Variants in HOXB6 observed in about 807,000 individuals in gnomAD.
HOXB6 encodes homeobox B6.
In HOXB6, 18 loss-of-function variants were observed where a neutral mutation model predicts 24.2. The ratio of observed to expected loss-of-function variants is 0.74; its 90% CI spans 0.51 to 1.10. The LOEUF is 1.10. HOXB6 is among the 50% of genes least tolerant of loss of function. The pLI is 0.00. For synonymous variants in HOXB6, 159 were observed against 139.1 expected (o/e 1.14, Z -1.01); for missense variants, 332 against 308.3 (o/e 1.08, Z -0.58).
chr17:48,598,981 T>C (rs1248402810), intron 2 of HOXB6, among the ~76,000 whole-genome samples: 2 of 152,118 alleles, frequency 1.3e-5, no homozygotes, highest in Admixed American at 1.3e-4. Context: ...CTTCTGACTC[T>C]GTGGCTAGAC....
chr17:48,599,890 G>A (rs2070416482), intron 2 of HOXB6, among the ~76,000 whole-genome samples: 1 of 152,178 alleles, frequency 6.6e-6, no homozygotes. Context: ...CACTGAAGAT[G>A]GTACAAGACA....
chr17:48,603,928 C>T (rs530345447), intron 2 of HOXB6: 60 of 152,838 alleles, frequency 3.9e-4, no homozygotes, highest in African/African-American at 1.4e-3. Flanking sequence ...TTTCTCTAGC[C>T]GTTTCCTCTC....
Position 48,596,245 on chromosome 17 carries a change from G to GA in HOXB6, c.*167dup, listed in dbSNP as rs1287576819. ...AGTGAGGCCTCAGAGCACCCGCCGG[G>GA]AGCTGTGCGGGCGGGGGCGTCCAGG... On this transcript the variant is annotated 3_prime_UTR_variant, in exon 4 of 4. Transcript: ENST00000225648. The surrounding 1 kb of genome is among the most constrained non-coding windows in gnomAD (Gnocchi z 4.8). The GA allele has an allele frequency of 9.7e-7, 1 of 1,035,366 alleles. No homozygotes were observed. The highest frequency in any genetic ancestry group is 1.5e-6 in the Non-Finnish European group (1 of 669,316). 64.1% of individuals were successfully genotyped at this position (1,035,366 alleles called of 1,614,324 possible). A position where few individuals can be genotyped will look rare whatever the true frequency, so the allele number is the denominator to read the frequency against.
chr17:48,597,752 C>A lies in HOXB6; in HGVS notation c.399G>T (p.Arg133=). The A allele has an allele frequency of 1.2e-6, 2 of 1,613,014 alleles. No homozygotes were observed. The highest frequency in any genetic ancestry group is 1.7e-6 in the Non-Finnish European group (2 of 1,179,560). ...CSTPVYPWMQ[R]MNSCNSSSFG... is the part of the protein sequence containing the mutation. ...CTCACTCACTGTTGCACGAATTCAT[C>A]CGCTGCATCCACGGGTAGACCGGAG... Residue 133 remains arginine (R), a synonymous_variant, in exon 3 of 4, where the codon CGG becomes CGT. Coordinates refer to ENST00000225648, the MANE Select transcript of HOXB6 (RefSeq NM_018952.5).
chr17:48,602,099 G>T, intron 2 of HOXB6: 1 of 456,036 alleles, frequency 2.2e-6, no homozygotes, highest in Non-Finnish European at 4.4e-6. Flanking sequence ...AAAAGATCGA[G>T]AATGGAGGAG....
In HOXB6 at chr17:48,598,033, G is replaced by A. The variant is rs1597874683; in HGVS notation, c.118C>T (p.Pro40Ser). The change falls in exon 3 of 4, where the codon CCC becomes TCC. Residue 40 changes from proline to serine, a missense_variant. Pro to Ser is a moderately conservative substitution (Grantham distance 74, BLOSUM62 -1). Transcript: ENST00000225648. ...SGYADPLRHYPAPYGPGPGQD... is the reference protein window; with the variant it reads ...SGYADPLRHYSAPYGPGPGQD... ...CCCGGCCCTGGCCCGTAGGGCGCGGGGTAATGTCTCAGCGGGTCCGCATAG... is the reference window on the plus strand; with the variant it reads ...CCCGGCCCTGGCCCGTAGGGCGCGGAGTAATGTCTCAGCGGGTCCGCATAG... The A allele has an allele frequency of 1.2e-5, 19 of 1,600,280 alleles. No individual in the cohort carries two copies. The East Asian group carries it at 3.8e-4, about 32-fold the overall frequency.
At position 48,597,764 on chromosome 17, in the gene HOXB6, C is replaced by T; in HGVS notation, c.387G>A (p.Pro129=). 1.2e-6 allele frequency: 2 copies of T among 1,612,966 alleles called. No homozygotes were observed. Among genetic ancestry groups the T allele is most frequent in the Non-Finnish European group, 1.7e-6 (2 of 1,179,520 alleles). ...TGCACGAATTCATCCGCTGCATCCA[C>T]GGGTAGACCGGAGTGGAGCACTTCT... The part of the protein sequence containing the change: ...EEQKCSTPVY[P]WMQRMNSCNS... Residue 129 remains proline (P), a synonymous_variant, in exon 3 of 4, where the codon CCG becomes CCA. Transcript: ENST00000225648.
At chr17:48,600,249 G>A (rs2070426916) in intron 2 of HOXB6, among the ~76,000 whole-genome samples, 1 of 152,138 alleles carries the variant, frequency 6.6e-6, no homozygotes, top group Admixed American at 6.5e-5. Flanking sequence ...TGCTGAGGCT[G>A]AGCCCTGGGC....
chr17:48,596,896 T>C lies in HOXB6; in HGVS notation c.416-224A>G. ...TCTAGATGGGGGAGGGGAGGAGCAG[T>C]TTGAACTCCCACCTGAGCCTGGGGG... On this transcript the variant is annotated intron_variant, in intron 3 of 3. Coordinates refer to ENST00000225648, the MANE Select transcript of HOXB6 (RefSeq NM_018952.5). The surrounding 1 kb of genome is among the most constrained non-coding windows in gnomAD (Gnocchi z 4.8). The C allele has an allele frequency of 1.5e-6, 2 of 1,336,070 alleles. No homozygotes were observed. Among genetic ancestry groups the C allele is most frequent in the Non-Finnish European group, 2.0e-6 (2 of 1,013,180 alleles). The allele number at this position is 1,336,070 out of a possible 1,614,324, so 82.8% of individuals were successfully genotyped here. A position where few individuals can be genotyped will look rare whatever the true frequency, so the allele number is the denominator to read the frequency against.
Position 48,596,560 on chromosome 17 carries a change from G to T in HOXB6, c.528C>A (p.Arg176=), listed in dbSNP as rs1195005023. The change falls in exon 4 of 4, where the codon CGC becomes CGA. Residue 176 remains arginine, a synonymous_variant. Coordinates refer to ENST00000225648, the MANE Select transcript of HOXB6 (RefSeq NM_018952.5). The surrounding 1 kb of genome is among the most constrained non-coding windows in gnomAD (Gnocchi z 4.8). The part of the protein sequence containing the change: ...HYNRYLTRRR[R]IEIAHALCLT... Reference sequence around the variant, plus strand: ...GGCACAGGGCGTGCGCGATCTCGATGCGCCGCCGCCGCGTCAGGTAGCGAT... The same window carrying T: ...GGCACAGGGCGTGCGCGATCTCGATTCGCCGCCGCCGCGTCAGGTAGCGAT... The T allele has an allele frequency of 5.6e-6, 9 of 1,614,238 alleles. No individual in the cohort carries two copies. The highest frequency in any genetic ancestry group is 7.6e-6 in the Non-Finnish European group (9 of 1,180,050).
chr17:48,598,388 C>T, intron 2 of HOXB6, 160 bp from the exon 3 acceptor site: 1 of 477,280 alleles, frequency 2.1e-6, no homozygotes. Context: ...GCACGAGGGA[C>T]CCGCGCACAA....
chr17:48,604,542 G>A lies in HOXB6; in HGVS notation c.-141C>T, dbSNP rs2070540303. ...AAAGGAATGGGTGGGGAGGAAGGAA[G>A]GAGTATTCAGTTTCTTCTTCAGCTT... On this transcript the variant is annotated 5_prime_UTR_variant, in exon 2 of 4. Transcript: ENST00000225648. The A allele has an allele frequency of 6.6e-6, 1 of 152,626 alleles. No homozygotes were observed. Among genetic ancestry groups the A allele is most frequent in the East Asian group, 1.9e-4 (1 of 5,190 alleles). The allele number at this position is 152,626 out of a possible 1,614,324, so 9.5% of individuals were successfully genotyped here. A position where few individuals can be genotyped will look rare whatever the true frequency, so the allele number is the denominator to read the frequency against.
Position 48,596,866 on chromosome 17 carries a change from T to C in HOXB6, c.416-194A>G. 1 of 1,245,086 alleles carries C rather than the reference T, an allele frequency of 8.0e-7. No homozygotes were observed. Among genetic ancestry groups the C allele is most frequent in the Non-Finnish European group, 1.1e-6 (1 of 917,990 alleles). The allele number at this position is 1,245,086 out of a possible 1,614,324, so 77.1% of individuals were successfully genotyped here. On this transcript the variant is annotated intron_variant, in intron 3 of 3. Transcript: ENST00000225648. This position sits in a 1 kb window ranked among gnomAD's most constrained non-coding sequence, Gnocchi z 4.8. ...GTCTCCTAGGCCTGTGCCGTCTGTC[T>C]AGACTCTAGATGGGGGAGGGGAGGA... is the stretch of plus-strand genomic sequence containing the variant.
Position 48,596,695 on chromosome 17 carries a change from T to C in HOXB6, c.416-23A>G. ...AACCTGTTACGCAGAGTGGAGATGCTGAGGCCTGCGGTCACCGGGCCCAGG... is the reference window on the plus strand; with the variant it reads ...AACCTGTTACGCAGAGTGGAGATGCCGAGGCCTGCGGTCACCGGGCCCAGG... On this transcript the variant is annotated intron_variant, in intron 3 of 3. Transcript: ENST00000225648. The surrounding 1 kb of genome is among the most constrained non-coding windows in gnomAD (Gnocchi z 4.8). 1.2e-6 allele frequency: 2 copies of C among 1,609,222 alleles called. No homozygotes were observed. Among genetic ancestry groups the C allele is most frequent in the East Asian group, 4.5e-5 (2 of 44,880 alleles).
chr17:48,596,443 GGCACTGAGCTGAGAC>G lies in HOXB6; in HGVS notation c.630_644del (p.Ser211_Ala215del). The G allele has an allele frequency of 6.2e-7, 1 of 1,614,168 alleles. No individual in the cohort carries two copies. The highest frequency in any genetic ancestry group is 8.5e-7 in the Non-Finnish European group (1 of 1,180,026). On this transcript the variant is annotated inframe_deletion, in exon 4 of 4. Transcript: ENST00000225648. This position sits in a 1 kb window ranked among gnomAD's most constrained non-coding sequence, Gnocchi z 4.8. ...CGGCCTGTTTTTCTTCCTCCTCCTC[GGCACTGAGCTGAGAC>G]GCGCTGAGCAGTTTGCTCTCCTTTT...
intron 2 of HOXB6, chr17:48,601,982 G>C: frequency 2.4e-6 from 1 of 408,920 alleles, no homozygotes; most frequent in Non-Finnish European, 4.9e-6. Context: ...AAGCCGGTGT[G>C]GAGGGTCCAA....
At chr17:48,598,251 T>C (rs2070371200) in intron 2 of HOXB6, 23 bp from the exon 3 acceptor site, 1 of 1,298,534 alleles carries the variant, frequency 7.7e-7, no homozygotes. Context: ...TATCCGAGAT[T>C]GGGTTTTAGC....
intron 2 of HOXB6, among the ~76,000 whole-genome samples, chr17:48,598,770 A>G (rs2070386840): frequency 6.6e-6 from 1 of 152,188 alleles, no homozygotes; most frequent in East Asian, 1.9e-4. Context: ...CCGCTAAGAT[A>G]AGCAAAGAAG....
At chr17:48,600,835 AC>A (rs1377734275) in intron 2 of HOXB6, among the ~76,000 whole-genome samples, 5 of 152,166 alleles carry the variant, frequency 3.3e-5, no homozygotes, top group African/African-American at 1.2e-4. Context: ...TTGTACAGAT[AC>A]CCCACAGGCA....
Sources: allele counts gnomAD v4.1 joint callset (sites outside exome capture counted in the v4.1 genomes callset), GRCh38; gene constraint gnomAD v4.1.1; non-coding constraint Gnocchi (gnomAD v3.1); transcripts MANE v1.5; gene names NCBI Gene and HGNC (gene_info 2026-07-23, HGNC 2026-07-21).